Variants in PEBP4 observed in about 807,000 individuals in gnomAD.
The protein encoded by PEBP4 is phosphatidylethanolamine binding protein 4.
PEBP4 carries 22 observed loss-of-function variants against 23.9 expected under a neutral mutation model. That is an observed-to-expected ratio of 0.92 (90% CI 0.66 to 1.31). The LOEUF is 1.31. PEBP4 is among the 40% of genes most tolerant of loss of function. PEBP4 has a pLI of 0.00. For missense variants in PEBP4, 324 were observed against 281.7 expected (o/e 1.15, Z -1.07); for synonymous variants, 112 against 99.3 (o/e 1.13, Z -0.76).
chr8:22,932,136 C>A (rs1003780666), upstream of PEBP4, among the ~76,000 whole-genome samples: 2 of 152,088 alleles, frequency 1.3e-5, no homozygotes, highest in Non-Finnish European at 2.9e-5. Context: ...AGCAGCCAGT[C>A]GCAAAAGAGG....
chr8:22,849,590 C>A (rs893219708), intron 3 of PEBP4, among the ~76,000 whole-genome samples: 4 of 152,200 alleles, frequency 2.6e-5, no homozygotes, highest in Non-Finnish European at 5.9e-5. Context: ...GCCAAGTTAT[C>A]CTGGCTCTGC....
intron 3 of PEBP4, among the ~76,000 whole-genome samples, chr8:22,882,568 G>A (rs921466529): frequency 1.3e-5 from 2 of 152,186 alleles, no homozygotes; most frequent in Admixed American, 6.5e-5. Context: ...CGTGGCTCCC[G>A]GAGAGAAAGC....
chr8:22,845,429 G>T (rs1807411131), intron 3 of PEBP4, among the ~76,000 whole-genome samples: 1 of 152,044 alleles, frequency 6.6e-6, no homozygotes, highest in South Asian at 2.1e-4. Context: ...TAGCTACTCA[G>T]GAGGCTGAGG....
chr8:22,854,908 C>T (rs1360733598), intron 3 of PEBP4, among the ~76,000 whole-genome samples: 1 of 147,266 alleles, frequency 6.8e-6, no homozygotes, highest in Non-Finnish European at 1.5e-5. Context: ...GATTAACTAG[C>T]AGAAGGGTGA....
chr8:22,911,892 T>C (rs1323980928), intron 3 of PEBP4, among the ~76,000 whole-genome samples: 1 of 152,198 alleles, frequency 6.6e-6, no homozygotes, highest in African/African-American at 2.4e-5. Flanking sequence ...AAACAGTATT[T>C]GATCTGAGAA....
chr8:22,920,080 C>A (rs1201094261), intron 3 of PEBP4, 104 bp downstream of exon 3: 2 of 1,431,936 alleles, frequency 1.4e-6, no homozygotes, highest in African/African-American at 2.8e-5. Flanking sequence ...AGACCCAACC[C>A]AGATGGCTCT....
chr8:22,793,858 A>G (rs1490672092), intron 4 of PEBP4, among the ~76,000 whole-genome samples: 1 of 152,230 alleles, frequency 6.6e-6, no homozygotes, highest in African/African-American at 2.4e-5. Context: ...GGCATTTGAC[A>G]TTCAATACAC....
At chr8:22,833,368 G>C (rs537152155) in intron 3 of PEBP4, among the ~76,000 whole-genome samples, 1 of 152,154 alleles carries the variant, frequency 6.6e-6, no homozygotes, top group Non-Finnish European at 1.5e-5. Context: ...GTCTTATTCT[G>C]TCACTCAGGC....
intron 4 of PEBP4, among the ~76,000 whole-genome samples, chr8:22,805,689 A>C (rs1045365613): frequency 6.6e-6 from 1 of 152,216 alleles, no homozygotes; most frequent in Non-Finnish European, 1.5e-5. Context: ...AGATGTTGAT[A>C]GTGGAGGAGG....
At chr8:22,732,372 G>A (rs779222528) in intron 4 of PEBP4, among the ~76,000 whole-genome samples, 11 of 152,066 alleles carry the variant, frequency 7.2e-5, no homozygotes, top group Non-Finnish European at 1.6e-4. Flanking sequence ...CATGGACACA[G>A]GGAGGGGAAC....
intron 4 of PEBP4, among the ~76,000 whole-genome samples, chr8:22,752,543 A>G (rs1805290447): frequency 6.6e-6 from 1 of 152,186 alleles, no homozygotes; most frequent in African/African-American, 2.4e-5. Flanking sequence ...ATATACCAAG[A>G]CTGCGCGTGT....
At chr8:22,937,116 A>C (rs1479262646) in intron 1 of PEBP4, among the ~76,000 whole-genome samples, 1 of 152,226 alleles carries the variant, frequency 6.6e-6, no homozygotes, top group Non-Finnish European at 1.5e-5. Flanking sequence ...CAAGAAAAGA[A>C]ATAAAAGGCA....
chr8:22,908,087 C>T (rs1359012769), intron 3 of PEBP4, among the ~76,000 whole-genome samples: 1 of 151,490 alleles, frequency 6.6e-6, no homozygotes, highest in African/African-American at 2.4e-5. Flanking sequence ...TTGCTCTTGA[C>T]CAAGATGGGG....
intron 4 of PEBP4, among the ~76,000 whole-genome samples, chr8:22,798,958 G>A (rs753398562): frequency 5.9e-5 from 9 of 151,706 alleles, no homozygotes; most frequent in Non-Finnish European, 1.3e-4. Flanking sequence ...GGCTGGTCTC[G>A]AACTCCTGAC....
intron 1 of PEBP4, among the ~76,000 whole-genome samples, chr8:22,934,251 A>C (rs915152333): frequency 1.3e-5 from 2 of 152,224 alleles, no homozygotes; most frequent in Admixed American, 1.3e-4. Context: ...TAAAATAATT[A>C]TAAATCTTTG....
chr8:22,722,096 G>A (rs1033791901), intron 6 of PEBP4, among the ~76,000 whole-genome samples: 14 of 151,900 alleles, frequency 9.2e-5, no homozygotes, highest in African/African-American at 2.9e-4. Context: ...AATTTCTAAC[G>A]GCTTCCCAGA....
At chr8:22,937,079 T>C (rs943240654) in intron 1 of PEBP4, among the ~76,000 whole-genome samples, 8 of 152,116 alleles carry the variant, frequency 5.3e-5, no homozygotes, top group African/African-American at 1.7e-4. Flanking sequence ...TCAACATATA[T>C]AGAAAGTTCT....
At chr8:22,768,782 G>A (rs894787860) in intron 4 of PEBP4, among the ~76,000 whole-genome samples, 3 of 152,162 alleles carry the variant, frequency 2.0e-5, no homozygotes, top group Non-Finnish European at 4.4e-5. Context: ...GCTATCAGGA[G>A]GCAGTATTCC....
At chr8:22,923,318 G>T (rs774728861) in intron 2 of PEBP4, among the ~76,000 whole-genome samples, 1 of 152,174 alleles carries the variant, frequency 6.6e-6, no homozygotes, top group Non-Finnish European at 1.5e-5. Context: ...TGTAATCCCA[G>T]CACTTTGGGA....
Sources: gnomAD v4.1 joint callset for allele counts (sites outside exome capture counted in the v4.1 genomes callset) on GRCh38, gnomAD v4.1.1 for gene constraint, MANE v1.5 for transcripts, NCBI Gene and HGNC (gene_info 2026-07-23, HGNC 2026-07-21) for gene names.